Variants in MAK observed in about 807,000 individuals in gnomAD.
MAK encodes the protein serine/threonine-protein kinase MAK.
A neutral mutation model predicts 82.6 loss-of-function variants in MAK; 65 were observed. That is an observed-to-expected ratio of 0.79 (90% CI 0.64 to 0.97). MAK has a LOEUF of 0.97. Among genes scored for constraint, MAK ranks in the 50% least tolerant of loss-of-function variants. MAK has a pLI of 0.00. For missense variants in MAK, 703 were observed against 780.2 expected, an observed-to-expected ratio of 0.90 and a Z score of 1.18; for synonymous variants, 250 against 274.2, an observed-to-expected ratio of 0.91 and a Z score of 0.87.
intron 6 of MAK, among the ~76,000 whole-genome samples, chr6:10,808,556 T>C (rs1193263199): frequency 6.6e-6 from 1 of 152,248 alleles, no homozygotes; most frequent in Non-Finnish European, 1.5e-5. Context: ...CCTAAAATGA[T>C]GTTTGGCACA....
intron 10 of MAK, chr6:10,784,782 T>C: frequency 2.1e-6 from 1 of 467,498 alleles, no homozygotes; most frequent in Admixed American, 2.9e-5. Flanking sequence ...CTGATACCAG[T>C]ATGTGACAGG....
intron 11 of MAK, chr6:10,780,303 C>T: frequency 1.1e-6 from 1 of 940,032 alleles, no homozygotes; most frequent in South Asian, 4.9e-5. Flanking sequence ...TCTCAGAAAA[C>T]CACATTAGGA....
chr6:10,764,549 G>C lies in MAK; in HGVS notation c.1850C>G (p.Pro617Arg), dbSNP rs753694997. 9 of 1,613,892 alleles carry C rather than the reference G, an allele frequency of 5.6e-6. No individual in the cohort carries two copies. The highest frequency in any genetic ancestry group is 7.6e-6 in the Non-Finnish European group (9 of 1,179,962). Reference sequence around the variant, plus strand: ...CACAATATTTAGGTTTTTTGCTGTAGGATTATAAGTACGTCCTGAAAACTG... The same window carrying C: ...CACAATATTTAGGTTTTTTGCTGTACGATTATAAGTACGTCCTGAAAACTG... Reference protein sequence around the residue: ...RGQFSGRTYNPTAKNLNIVNR... With the variant: ...RGQFSGRTYNRTAKNLNIVNR... Residue 617 changes from proline (P) to arginine (R), a missense_variant, in exon 15 of 15, where the codon CCT becomes CGT. By Grantham distance (103) the Pro-to-Arg change is moderately radical. Coordinates refer to ENST00000354489, the MANE Select transcript of MAK (RefSeq NM_001242957.3).
rs1773472076 is a variant in MAK at position 10,776,556 on chromosome 6, A to C, written c.1466-1097T>G. Among the ~76,000 whole-genome samples the C allele has an allele frequency of 6.6e-6, 1 of 152,194 alleles. No homozygotes were observed. Among genetic ancestry groups the C allele is most frequent in the Non-Finnish European group, 1.5e-5 (1 of 68,028 alleles). On this transcript the variant is annotated intron_variant, in intron 11 of 14. Transcript: ENST00000354489. This position sits in a 1 kb window ranked among gnomAD's most constrained non-coding sequence, Gnocchi z 4.3. ...TCATCACTGAGGACTCCACTGATTT[A>C]GGAAGTCAGAACTGTCTCCAGGCAG... is the stretch of plus-strand genomic sequence containing the variant.
chr6:10,780,891 TCTCTC>T (rs1773906499), intron 11 of MAK, among the ~76,000 whole-genome samples: 1 of 152,160 alleles, frequency 6.6e-6, no homozygotes, highest in African/African-American at 2.4e-5. Context: ...TTTTTCTCTC[TCTCTC>T]ATGATTTCAA....
Position 10,808,933 on chromosome 6 carries a change from T to C in MAK, c.368A>G (p.His123Arg). ...LAFIHKHGFF[H>R]RDMKPENLLC... Reference sequence around the variant, plus strand: ...CAAGTTTTCTGGTTTCATGTCCCTATGAAAAAAGCCTTGATGATATACGGA... The same window carrying C: ...CAAGTTTTCTGGTTTCATGTCCCTACGAAAAAAGCCTTGATGATATACGGA... Residue 123 changes from histidine (H) to arginine (R), a missense_variant, in exon 6 of 15, where the codon CAT (histidine) becomes CGT (arginine). His to Arg is a conservative substitution (Grantham distance 29, BLOSUM62 0). Coordinates refer to ENST00000354489, the MANE Select transcript of MAK (RefSeq NM_001242957.3). 3.1e-6 allele frequency: 5 copies of C among 1,613,300 alleles called. No individual in the cohort carries two copies. Among genetic ancestry groups the C allele is most frequent in the Non-Finnish European group, 4.2e-6 (5 of 1,179,490 alleles).
At chr6:10,805,316 A>G (rs1027731661) in intron 6 of MAK, among the ~76,000 whole-genome samples, 1 of 152,174 alleles carries the variant, frequency 6.6e-6, no homozygotes, top group African/African-American at 2.4e-5. Context: ...GGCCAGGCAC[A>G]GTGGCTCACA....
At chr6:10,781,282 GAA>G (rs1296327606) in intron 11 of MAK, among the ~76,000 whole-genome samples, 1 of 152,048 alleles carries the variant, frequency 6.6e-6, no homozygotes, top group African/African-American at 2.4e-5. Flanking sequence ...AAAAATGTTA[GAA>G]TAACTTATTT....
chr6:10,831,145 A>G (rs1027752106), intron 1 of MAK, among the ~76,000 whole-genome samples: 1 of 152,170 alleles, frequency 6.6e-6, no homozygotes, highest in African/African-American at 2.4e-5. Flanking sequence ...TTTACTAAAT[A>G]TAATCTACAT....
In MAK at chr6:10,834,370, G is replaced by A. The variant is rs78766707; in HGVS notation, c.-229-3493C>T. Among the ~76,000 whole-genome samples, 811 of 149,232 alleles carry A rather than the reference G, an allele frequency of 5.4e-3. 3 individuals are homozygous for A. The highest frequency in any genetic ancestry group is 8.4e-3 in the Non-Finnish European group (556 of 66,098). On this transcript the variant is annotated intron_variant, in intron 1 of 14. Coordinates refer to ENST00000354489, the MANE Select transcript of MAK (RefSeq NM_001242957.3). The stretch of plus-strand genomic sequence containing the variant: ...AGGATCAACTAGAGAATCAACGATG[G>A]AGTCAATCCAATAGTTGCATTTGGC...
chr6:10,815,586 G>A (rs1158841821), intron 4 of MAK, among the ~76,000 whole-genome samples: 2 of 151,990 alleles, frequency 1.3e-5, no homozygotes, highest in African/African-American at 4.8e-5. Flanking sequence ...TTGCACCACT[G>A]CACTCTGGCC....
Position 10,776,991 on chromosome 6 carries a change from G to A in MAK, c.1466-1532C>T, listed in dbSNP as rs923869389. 6.6e-6 allele frequency among the ~76,000 whole-genome samples: 1 copy of A among 151,554 alleles called. No homozygotes were observed. The highest frequency in any genetic ancestry group is 1.5e-5 in the Non-Finnish European group (1 of 67,958). ...GAACCTGGGAGGCAGAGGTTGTGGT[G>A]AGCCCGAGATCGCACCACTGCACTC... On this transcript the variant is annotated intron_variant, in intron 11 of 14. Transcript: ENST00000354489. The surrounding 1 kb of genome is among the most constrained non-coding windows in gnomAD (Gnocchi z 4.3).
chr6:10,808,733 G>T, intron 6 of MAK, 77 bp downstream of exon 6: 2 of 1,387,076 alleles, frequency 1.4e-6, no homozygotes, highest in Non-Finnish European at 2.0e-6. Flanking sequence ...GGAACTTCCA[G>T]AAATATGTAA....
intron 4 of MAK, among the ~76,000 whole-genome samples, chr6:10,815,100 T>C (rs1055724021): frequency 1.3e-5 from 2 of 152,048 alleles, no homozygotes; most frequent in African/African-American, 4.8e-5. Context: ...ACATCATTTT[T>C]CTAGCAGCCA....
intron 4 of MAK, among the ~76,000 whole-genome samples, chr6:10,817,031 C>T (rs1049687327): frequency 2.4e-4 from 36 of 151,766 alleles, no homozygotes; most frequent in Non-Finnish European, 4.1e-4. Context: ...ATGATGATTT[C>T]GGCCTGGAAC....
Position 10,815,911 on chromosome 6 carries a change from A to AATATATATATATAT in MAK, c.278+1938_278+1939insATATATATATATAT, listed in dbSNP as rs1561991497. 2.9e-4 allele frequency among the ~76,000 whole-genome samples: 23 copies of AATATATATATATAT among 78,150 alleles called. 1 individual carries two copies. The South Asian group carries it at 4.9e-3, about 17-fold the overall frequency. The allele number at this position is 78,150 out of a possible 152,430, so 51.3% of individuals were successfully genotyped here. A position where few individuals can be genotyped will look rare whatever the true frequency, so the allele number is the denominator to read the frequency against. ...GTACTGTATTAGTGTAGCTTTATAC[A>AATATATATATATAT]GTATATATATATATATATATATATA... On this transcript the variant is annotated intron_variant, in intron 4 of 14. Coordinates refer to ENST00000354489, the MANE Select transcript of MAK (RefSeq NM_001242957.3).
chr6:10,784,029 A>G (rs372691510), intron 11 of MAK, among the ~76,000 whole-genome samples: 1 of 152,322 alleles, frequency 6.6e-6, no homozygotes, highest in African/African-American at 2.4e-5. Flanking sequence ...AAAAAAAACA[A>G]AAAAACAAAC....
intron 5 of MAK, among the ~76,000 whole-genome samples, chr6:10,811,033 C>T (rs1467736032): frequency 6.6e-6 from 1 of 152,210 alleles, no homozygotes; most frequent in African/African-American, 2.4e-5. Context: ...GAGTCTTGCT[C>T]TGTCACCCAG....
chr6:10,830,033 C>T (rs1198075073), intron 2 of MAK, among the ~76,000 whole-genome samples: 4 of 150,636 alleles, frequency 2.7e-5, no homozygotes, highest in African/African-American at 9.8e-5. Context: ...GACAGGGTTT[C>T]ACCATGTTGG....
Sources: gnomAD v4.1 joint callset for allele counts (sites outside exome capture counted in the v4.1 genomes callset) on GRCh38, gnomAD v4.1.1 for gene constraint, Gnocchi (gnomAD v3.1) non-coding constraint, MANE v1.5 for transcripts, NCBI Gene and HGNC (gene_info 2026-07-23, HGNC 2026-07-21) for gene names.